Variants in DLG1 observed in about 807,000 individuals in gnomAD.
DLG1 encodes the protein discs large MAGUK scaffold protein 1.
Under a neutral mutation model 123.4 loss-of-function variants are expected in DLG1, and 42 were observed. The ratio of observed to expected loss-of-function variants is 0.34; its 90% CI spans 0.27 to 0.44. DLG1 has a LOEUF of 0.44. Among genes scored for constraint, DLG1 ranks in the 20% least tolerant of loss-of-function variants. The pLI is 1.00. For missense variants in DLG1, 942 were observed against 1,082.6 expected (o/e 0.87, Z 1.82); for synonymous variants, 317 against 356.2 (o/e 0.89, Z 1.24).
chr3:197,239,843 T>TTAAAAAAAAAAAAA (rs1747942988), intron 4 of DLG1, among the ~76,000 whole-genome samples: 4 of 133,984 alleles, frequency 3.0e-5, no homozygotes, highest in Non-Finnish European at 6.2e-5. Flanking sequence ...ACAGAAAAGT[T>TTAAAAAAAAAAAAA]AAAAAAAAAA....
In DLG1 at chr3:197,119,542, A is replaced by G. The variant is rs373563518; in HGVS notation, c.1166-12T>C. The G allele has an allele frequency of 1.3e-5, 20 of 1,596,260 alleles. No homozygotes were observed. In the East Asian group the frequency reaches 1.4e-4, roughly 11 times the overall value. On this transcript the variant is annotated splice_polypyrimidine_tract_variant and intron_variant, in intron 11 of 24. Transcript: ENST00000667157. ...AGGCTGAGAAGAAGCTTCAAAATAA[A>G]CAAAGTGAAAAATACTTCAAACACG...
At chr3:197,046,977 G>T (rs1392163509) in intron 24 of DLG1, among the ~76,000 whole-genome samples, 3 of 152,124 alleles carry the variant, frequency 2.0e-5, no homozygotes, top group Non-Finnish European at 4.4e-5. Flanking sequence ...GTCAGTCAGG[G>T]TCATGAATAA....
Position 197,136,569 on chromosome 3 carries a change from T to C in DLG1, c.993A>G (p.Lys331=). 1 of 1,612,472 alleles carries C rather than the reference T, an allele frequency of 6.2e-7. No homozygotes were observed. The highest frequency in any genetic ancestry group is 8.5e-7 in the Non-Finnish European group (1 of 1,179,360). Reference sequence around the variant, plus strand: ...CTAAAAGTTTATCTCCAATCTGAAGTTTGCCATCCTTATGTGCTGCACCTC... The same window carrying C: ...CTAAAAGTTTATCTCCAATCTGAAGCTTGCCATCCTTATGTGCTGCACCTC... The part of the protein sequence containing the change: ...IEGGAAHKDG[K]LQIGDKLLAV... Residue 331 remains lysine, a synonymous_variant, in exon 10 of 25, where the codon AAA becomes AAG. Transcript: ENST00000667157.
intron 4 of DLG1, among the ~76,000 whole-genome samples, chr3:197,230,375 A>C (rs1030372343): frequency 6.6e-6 from 1 of 152,242 alleles, no homozygotes; most frequent in Non-Finnish European, 1.5e-5. Context: ...AAAAGGGTTA[A>C]AATACAAGAG....
chr3:197,158,230 C>A (rs1797188536), intron 5 of DLG1, among the ~76,000 whole-genome samples: 1 of 152,188 alleles, frequency 6.6e-6, no homozygotes, highest in Admixed American at 6.5e-5. Flanking sequence ...TGTCACCTCA[C>A]ACCCACTAGC....
intron 4 of DLG1, among the ~76,000 whole-genome samples, chr3:197,243,633 C>T (rs1025763159): frequency 7.2e-5 from 11 of 152,066 alleles, no homozygotes; most frequent in African/African-American, 2.7e-4. Flanking sequence ...TCATACCTAG[C>T]GCCATCCTAT....
chr3:197,121,670 A>G (rs965879173), intron 11 of DLG1, among the ~76,000 whole-genome samples: 3 of 151,986 alleles, frequency 2.0e-5, no homozygotes, highest in African/African-American at 7.2e-5. Context: ...TAGTTCATGT[A>G]TAACTTCTAT....
At chr3:197,272,747 A>G (rs1463722997) in intron 4 of DLG1, among the ~76,000 whole-genome samples, 1 of 152,232 alleles carries the variant, frequency 6.6e-6, no homozygotes, top group East Asian at 1.9e-4. Context: ...GGGTATATAC[A>G]CTGTGTAAGT....
Position 197,127,698 on chromosome 3 carries a change from A to C in DLG1, c.1165+2829T>G, listed in dbSNP as rs556650160. ...GTGTTTCTCAAAGTGCAGGCCATGA[A>C]CTAGCAGCACCAGAAACCTCAGAAT... On this transcript the variant is annotated intron_variant, in intron 11 of 24. Transcript: ENST00000667157. 8.6e-5 allele frequency among the ~76,000 whole-genome samples: 13 copies of C among 151,550 alleles called. No homozygotes were observed. In the South Asian group the frequency reaches 1.7e-3, roughly 19 times the overall value.
intron 5 of DLG1, among the ~76,000 whole-genome samples, chr3:197,155,849 T>C (rs1796179860): frequency 1.3e-5 from 2 of 152,068 alleles, no homozygotes; most frequent in Non-Finnish European, 2.9e-5. Context: ...TTCAGGAGAC[T>C]GAGGCGGGAG....
chr3:197,296,037 C>A (rs760591809), intron 3 of DLG1, among the ~76,000 whole-genome samples: 3 of 152,184 alleles, frequency 2.0e-5, no homozygotes, highest in Non-Finnish European at 2.9e-5. Context: ...AATACAGAAA[C>A]AAGCTCACAG....
intron 17 of DLG1, 72 bp downstream of exon 17, chr3:197,080,979 G>T: frequency 7.2e-7 from 1 of 1,393,898 alleles, no homozygotes; most frequent in Non-Finnish European, 1.0e-6. Flanking sequence ...AATTCTGATA[G>T]CAAAATCCTT....
chr3:197,200,848 A>G (rs1490104601), intron 4 of DLG1, among the ~76,000 whole-genome samples: 1 of 152,120 alleles, frequency 6.6e-6, no homozygotes, highest in East Asian at 1.9e-4. Context: ...CAAAAAAAAG[A>G]CCATATATAA....
rs75959186 is a variant in DLG1 at position 197,123,841 on chromosome 3, T to C, written c.1166-4311A>G. On this transcript the variant is annotated intron_variant, in intron 11 of 24. Transcript: ENST00000667157. ...TGACTCAACAGTAAAATGAAAAAAA[T>C]TGTTGTACACTTATACAATGGAATA... Among the ~76,000 whole-genome samples the C allele has an allele frequency of 1.1e-3, 173 of 152,180 alleles. 3 individuals carry two copies. In the East Asian group the frequency reaches 0.029, roughly 26 times the overall value.
At chr3:197,154,250 C>T (rs558249852) in intron 5 of DLG1, among the ~76,000 whole-genome samples, 21 of 151,662 alleles carry the variant, frequency 1.4e-4, no homozygotes, top group Non-Finnish European at 2.5e-4. Flanking sequence ...TGCAATGAGC[C>T]GAGATGACAC....
chr3:197,286,237 GAGA>G (rs1490882958), intron 3 of DLG1, among the ~76,000 whole-genome samples: 8 of 152,264 alleles, frequency 5.3e-5, no homozygotes, highest in Non-Finnish European at 7.4e-5. Flanking sequence ...TGGGGTACCG[GAGA>G]AGAAGAAGAG....
chr3:197,185,551 G>A (rs566967124), intron 5 of DLG1, among the ~76,000 whole-genome samples: 5 of 152,094 alleles, frequency 3.3e-5, no homozygotes, highest in South Asian at 4.2e-4. Flanking sequence ...TACTAAGGGC[G>A]GACAGGTAAC....
intron 4 of DLG1, among the ~76,000 whole-genome samples, chr3:197,217,724 G>C (rs1294776930): frequency 6.6e-6 from 1 of 152,122 alleles, no homozygotes; most frequent in Non-Finnish European, 1.5e-5. Context: ...CTCTAGAAAT[G>C]CAAACTAATC....
chr3:197,059,048 C>T (rs1327503436), intron 23 of DLG1, among the ~76,000 whole-genome samples: 3 of 152,220 alleles, frequency 2.0e-5, no homozygotes, highest in Non-Finnish European at 4.4e-5. Flanking sequence ...GCCTCAGCAT[C>T]CCGAGTAGCT....
Sources: allele counts gnomAD v4.1 joint callset (sites outside exome capture counted in the v4.1 genomes callset), GRCh38; gene constraint gnomAD v4.1.1; transcripts MANE v1.5; gene names NCBI Gene and HGNC (gene_info 2026-07-23, HGNC 2026-07-21).